Variants in FYB1 observed in about 807,000 individuals in gnomAD.
The protein encoded by FYB1 is FYN binding protein 1.
FYB1 carries 41 observed loss-of-function variants against 94.1 expected under a neutral mutation model. That is an observed-to-expected ratio of 0.44 (90% CI 0.34 to 0.57). The LOEUF (loss-of-function observed/expected upper bound fraction) is 0.57. FYB1 is among the 20% of genes least tolerant of loss of function. The probability of loss-of-function intolerance (pLI) is 0.02; values close to 1 mark genes in which losing one functional copy is unlikely to be tolerated. For missense variants in FYB1, 1,050 were observed against 976.8 expected (o/e 1.07, Z -1.00); for synonymous variants, 367 against 353.2 (o/e 1.04, Z -0.44).
chr5:39,224,935 G>A (rs1044553115), intron 1 of FYB1, among the ~76,000 whole-genome samples: 1 of 152,126 alleles, frequency 6.6e-6, no homozygotes, highest in African/African-American at 2.4e-5. Context: ...TTCTAGAAAT[G>A]CATTTATATT....
intron 2 of FYB1, among the ~76,000 whole-genome samples, chr5:39,171,432 A>G (rs551218273): frequency 7.2e-5 from 11 of 152,288 alleles, no homozygotes; most frequent in African/African-American, 2.6e-4. Context: ...CTTAGGCCTC[A>G]TGCCTGACCT....
At chr5:39,180,004 T>C (rs1047254370) in intron 2 of FYB1, among the ~76,000 whole-genome samples, 1 of 152,142 alleles carries the variant, frequency 6.6e-6, no homozygotes, top group African/African-American at 2.4e-5. Context: ...CTCCTTACCT[T>C]GGCACTTAAC....
chr5:39,184,778 T>C (rs572707813), intron 2 of FYB1, among the ~76,000 whole-genome samples: 2 of 152,304 alleles, frequency 1.3e-5, no homozygotes, highest in Non-Finnish European at 2.9e-5. Flanking sequence ...AAGTTCATTT[T>C]AATGTTGTAA....
chr5:39,136,469 T>G (rs1025760909), intron 7 of FYB1, among the ~76,000 whole-genome samples: 5 of 152,218 alleles, frequency 3.3e-5, no homozygotes, highest in African/African-American at 1.2e-4. Context: ...GTTCTAATAT[T>G]AATACGGTAA....
rs1738616466 is a variant in FYB1 at position 39,107,245 on chromosome 5, T to C, written c.*198A>G. The C allele has an allele frequency of 2.6e-6, 1 of 387,548 alleles. No homozygotes were observed. The highest frequency in any genetic ancestry group is 4.8e-6 in the Non-Finnish European group (1 of 209,106). 24.0% of individuals were successfully genotyped at this position (387,548 alleles called of 1,614,324 possible). On this transcript the variant is annotated 3_prime_UTR_variant, in exon 19 of 19. Coordinates refer to ENST00000512982, the MANE Select transcript of FYB1 (RefSeq NM_001465.6). Reference sequence around the variant, plus strand: ...TTCTTACATCTCACTAATGTAGTCTTCTGAGTTAACAATTAAGCAGAGAGA... The same window carrying C: ...TTCTTACATCTCACTAATGTAGTCTCCTGAGTTAACAATTAAGCAGAGAGA...
At position 39,178,141 on chromosome 5, in the gene FYB1, G is replaced by A. The variant is rs562097084; in HGVS notation, c.1135+23685C>T. Reference sequence around the variant, plus strand: ...GGAGAAAGAACAAAAAGGTTCTGTGGTCAAATATGATTTGGAAATTGCTGT... The same window carrying A: ...GGAGAAAGAACAAAAAGGTTCTGTGATCAAATATGATTTGGAAATTGCTGT... On this transcript the variant is annotated intron_variant, in intron 2 of 18. Coordinates refer to ENST00000512982, the MANE Select transcript of FYB1 (RefSeq NM_001465.6). 2.6e-5 allele frequency among the ~76,000 whole-genome samples: 4 copies of A among 152,276 alleles called. No individual in the cohort carries two copies. The East Asian group carries it at 7.7e-4, about 29-fold the overall frequency.
intron 1 of FYB1, among the ~76,000 whole-genome samples, chr5:39,269,016 T>C (rs1168737242): frequency 6.6e-6 from 1 of 152,236 alleles, no homozygotes; most frequent in Non-Finnish European, 1.5e-5. Flanking sequence ...TAAACCACAG[T>C]GCTCCTGTTT....
At position 39,202,102 on chromosome 5, in the gene FYB1, T is replaced by C. The variant is rs768166035; in HGVS notation, c.859A>G (p.Lys287Glu). The C allele has an allele frequency of 4.3e-6, 7 of 1,613,906 alleles. No individual in the cohort carries two copies. The Admixed American group carries it at 1.2e-4, about 27-fold the overall frequency. ...KNGEEKKEDR[K>E]IDAAKNTFQS... Reference sequence around the variant, plus strand: ...AAGGTGTTCTTAGCAGCATCTATCTTCCTATCTTCCTTTTTTTCTTCACCA... The same window carrying C: ...AAGGTGTTCTTAGCAGCATCTATCTCCCTATCTTCCTTTTTTTCTTCACCA... The change falls in exon 2 of 19, where the codon AAG (lysine) becomes GAG (glutamate). Residue 287 changes from lysine (K) to glutamate (E), a missense_variant. Physicochemically the swap from Lys to Glu is moderately conservative, Grantham distance 56. Transcript: ENST00000512982.
At chr5:39,170,736 A>G (rs548151881) in intron 2 of FYB1, among the ~76,000 whole-genome samples, 1 of 152,254 alleles carries the variant, frequency 6.6e-6, no homozygotes, top group Non-Finnish European at 1.5e-5. Context: ...TCCAATTTCA[A>G]TGTCTTCCTA....
In FYB1 at chr5:39,106,593, GTCT is replaced by G. The variant is rs1167402168; in HGVS notation, c.*847_*849del. On this transcript the variant is annotated 3_prime_UTR_variant, in exon 19 of 19. Coordinates refer to ENST00000512982, the MANE Select transcript of FYB1 (RefSeq NM_001465.6). Reference sequence around the variant, plus strand: ...AACAAAAACAAAAACTTTAAAAAGTGTCTTCATTATAAAGAGGTGCCATGCATA... The same window carrying G: ...AACAAAAACAAAAACTTTAAAAAGTGTCATTATAAAGAGGTGCCATGCATA... 1 of 152,002 alleles carries G rather than the reference GTCT, an allele frequency of 6.6e-6. No individual in the cohort carries two copies. The highest frequency in any genetic ancestry group is 1.5e-5 in the Non-Finnish European group (1 of 67,958). The allele number at this position is 152,002 out of a possible 1,614,324, so 9.4% of individuals were successfully genotyped here.
At chr5:39,133,328 A>G (rs1485118537) in intron 9 of FYB1, among the ~76,000 whole-genome samples, 1 of 152,224 alleles carries the variant, frequency 6.6e-6, no homozygotes, top group Non-Finnish European at 1.5e-5. Flanking sequence ...TAGTCATCAA[A>G]AAACTAAAGT....
rs267600623 is a variant in FYB1, at chr5:39,119,571, C to T, written c.2202G>A (p.Gln734=). 6.5e-7 allele frequency: 1 copy of T among 1,545,834 alleles called. No homozygotes were observed. Among genetic ancestry groups the T allele is most frequent in the Non-Finnish European group, 8.7e-7 (1 of 1,144,348 alleles). Residue 734 remains glutamine, a synonymous_variant, in exon 15 of 19, where the codon CAG becomes CAA. Coordinates refer to ENST00000512982, the MANE Select transcript of FYB1 (RefSeq NM_001465.6). ...TCCTGAAGTCTTTTTCTTCTTTTTC[C>T]TGCTTTTTTAGCTTCTTAAGGTCCT... ...EEKDLKKLKK[Q]EKEEKDFRKK... is the part of the protein sequence containing the mutation.
chr5:39,126,288 A>G (rs148564273), intron 11 of FYB1, among the ~76,000 whole-genome samples, 153 bp from the exon 12 acceptor site: 1 of 152,292 alleles, frequency 6.6e-6, no homozygotes, highest in East Asian at 1.9e-4. Context: ...AAATAGTGTT[A>G]TTAAATTTAC....
intron 1 of FYB1, among the ~76,000 whole-genome samples, chr5:39,205,908 A>T (rs1748804146): frequency 6.6e-6 from 1 of 152,180 alleles, no homozygotes; most frequent in South Asian, 2.1e-4. Context: ...TAAGGATTAA[A>T]TGGGCAAAGG....
chr5:39,133,413 G>A (rs1415844535), intron 9 of FYB1, among the ~76,000 whole-genome samples: 1 of 152,098 alleles, frequency 6.6e-6, no homozygotes, highest in East Asian at 1.9e-4. Flanking sequence ...GGAGGTGTTG[G>A]AGGAAAGAAG....
At chr5:39,219,321 G>T in intron 1 of FYB1, 122 bp downstream of exon 1, 1 of 518,294 alleles carries the variant, frequency 1.9e-6, no homozygotes, top group Non-Finnish European at 2.5e-6. Context: ...AACAGAACAT[G>T]CGTTTCCTTC....
rs1748353267 is a variant in FYB1 at position 39,201,914 on chromosome 5, G to A, written c.1047C>T (p.Pro349=). Reference sequence around the variant, plus strand: ...GTGGAGGTGGACCCAAGGTAAACAAGGGAGGCAATGGCTTCTGTTTCGGGG... The same window carrying A: ...GTGGAGGTGGACCCAAGGTAAACAAAGGAGGCAATGGCTTCTGTTTCGGGG... ...SATPKQKPLP[P]LFTLGPPPPK... Residue 349 remains proline, a synonymous_variant, in exon 2 of 19, where the codon CCC becomes CCT. Transcript: ENST00000512982. 6.2e-7 allele frequency: 1 copy of A among 1,613,990 alleles called. No individual in the cohort carries two copies. Among genetic ancestry groups the A allele is most frequent in the East Asian group, 2.2e-5 (1 of 44,868 alleles).
intron 2 of FYB1, among the ~76,000 whole-genome samples, chr5:39,199,983 G>A (rs1298459418): frequency 6.6e-6 from 1 of 152,218 alleles, no homozygotes; most frequent in Non-Finnish European, 1.5e-5. Flanking sequence ...GAGGGATTGA[G>A]TTTTGATTTG....
intron 3 of FYB1, among the ~76,000 whole-genome samples, chr5:39,143,833 C>T (rs1742402399): frequency 6.6e-6 from 1 of 152,102 alleles, no homozygotes; most frequent in African/African-American, 2.4e-5. Context: ...ATCTAATAAA[C>T]TCACTTTAAA....
Sources: gnomAD v4.1 joint callset for allele counts (sites outside exome capture counted in the v4.1 genomes callset) on GRCh38, gnomAD v4.1.1 for gene constraint, MANE v1.5 for transcripts, NCBI Gene and HGNC (gene_info 2026-07-23, HGNC 2026-07-21) for gene names.